Variants in WAPL observed in about 807,000 individuals in gnomAD.
WAPL encodes WAPL cohesin release factor.
Under a neutral mutation model 121.0 loss-of-function variants are expected in WAPL, and 5 were observed. The observed-to-expected ratio is 0.04, with a 90% CI of 0.02 to 0.09. WAPL has a LOEUF of 0.09. Among genes scored for constraint, WAPL ranks in the 10% least tolerant of loss-of-function variants. The probability of loss-of-function intolerance (pLI) is 1.00; values close to 1 mark genes in which losing one functional copy is unlikely to be tolerated. For synonymous variants in WAPL, 480 were observed against 481.5 expected (o/e 1.00, Z 0.04); for missense variants, 999 against 1,410.8 (o/e 0.71, Z 4.68).
Position 86,461,170 on chromosome 10 carries a change from T to C in WAPL, c.2482+6A>G, listed in dbSNP as rs752486594. On this transcript the variant is annotated splice_donor_region_variant and intron_variant, in intron 10 of 18. Coordinates refer to ENST00000298767, the MANE Select transcript of WAPL (RefSeq NM_015045.5). ...TATAAAAACATTCTAAATGTAAATA[T>C]CATACCTTTATCTACAATATGATCC... 1.0e-5 allele frequency: 16 copies of C among 1,586,470 alleles called. No homozygotes were observed. The Admixed American group carries it at 2.2e-4, about 22-fold the overall frequency.
chr10:86,470,575 C>G (rs1421784469), intron 8 of WAPL, among the ~76,000 whole-genome samples: 1 of 152,116 alleles, frequency 6.6e-6, no homozygotes, highest in Non-Finnish European at 1.5e-5. Flanking sequence ...AGGCCATGTT[C>G]CAGATTCAAC....
At chr10:86,486,995 A>C (rs930575905) in intron 4 of WAPL, among the ~76,000 whole-genome samples, 20 of 151,956 alleles carry the variant, frequency 1.3e-4, no homozygotes, top group African/African-American at 4.6e-4. Flanking sequence ...AATATTGGAG[A>C]ATTGAAACTG....
At chr10:86,503,963 A>C (rs1375309894) in intron 2 of WAPL, among the ~76,000 whole-genome samples, 1 of 151,858 alleles carries the variant, frequency 6.6e-6, no homozygotes, top group East Asian at 2.0e-4. Flanking sequence ...TGAGGCCAGA[A>C]GTTCGAGACC....
intron 9 of WAPL, among the ~76,000 whole-genome samples, chr10:86,463,087 TG>T (rs1841326176): frequency 6.6e-6 from 1 of 152,218 alleles, no homozygotes; most frequent in African/African-American, 2.4e-5. Context: ...ATTTGAAAAC[TG>T]GAATAGTACT....
intron 4 of WAPL, among the ~76,000 whole-genome samples, chr10:86,476,590 G>A (rs1841659867): frequency 6.6e-6 from 1 of 151,478 alleles, no homozygotes; most frequent in Non-Finnish European, 1.5e-5. Flanking sequence ...TCAGGAGGCT[G>A]AGGCGGGAGA....
At chr10:86,456,669 T>A (rs1056445606) in intron 12 of WAPL, among the ~76,000 whole-genome samples, 3 of 152,234 alleles carry the variant, frequency 2.0e-5, no homozygotes, top group Non-Finnish European at 4.4e-5. Context: ...CTTAATATTT[T>A]ACAACCCTTT....
chr10:86,448,135 TA>T (rs1167285827), intron 15 of WAPL, among the ~76,000 whole-genome samples: 1 of 152,012 alleles, frequency 6.6e-6, no homozygotes, highest in Admixed American at 6.6e-5. Flanking sequence ...AAATAAAACT[TA>T]AAAAAACAGA....
intron 4 of WAPL, among the ~76,000 whole-genome samples, chr10:86,486,570 G>A (rs1322417359): frequency 2.0e-5 from 3 of 152,164 alleles, no homozygotes; most frequent in African/African-American, 7.2e-5. Flanking sequence ...GGACAGATGG[G>A]AAGAAAAAAT....
chr10:86,458,962 T>C lies in WAPL; in HGVS notation c.2657+27A>G, dbSNP rs760445822. On this transcript the variant is annotated intron_variant, in intron 12 of 18. Transcript: ENST00000298767. ...TGTTTAAAATAAGTAACAATGTTAGTTGTTAACTAATAAACAAAAAACTTA... is the reference window on the plus strand; with the variant it reads ...TGTTTAAAATAAGTAACAATGTTAGCTGTTAACTAATAAACAAAAAACTTA... 2.6e-6 allele frequency: 4 copies of C among 1,547,442 alleles called. No homozygotes were observed. In the African/African-American group the frequency reaches 5.5e-5, roughly 21 times the overall value.
At chr10:86,520,766 TAAAAAAAAAAAAA>T (rs10574217) in intron 1 of WAPL, among the ~76,000 whole-genome samples, 16 of 98,112 alleles carry the variant, frequency 1.6e-4, no homozygotes, top group African/African-American at 5.2e-4. Context: ...CGCTGTGATT[TAAAAAAAAAAAAA>T]AAAAAAAAAA....
At chr10:86,520,445 C>A (rs1842653104) in intron 1 of WAPL, among the ~76,000 whole-genome samples, 1 of 152,098 alleles carries the variant, frequency 6.6e-6, no homozygotes, top group African/African-American at 2.4e-5. Context: ...GTTTAATAGT[C>A]ACTGCTAAAT....
intron 4 of WAPL, among the ~76,000 whole-genome samples, chr10:86,476,203 A>G (rs549764937): frequency 6.6e-6 from 1 of 151,300 alleles, no homozygotes; most frequent in African/African-American, 2.4e-5. Context: ...GTCTCTACTA[A>G]AAATACAAAA....
At chr10:86,442,610 T>G (rs757553781) in intron 17 of WAPL, among the ~76,000 whole-genome samples, 1 of 152,132 alleles carries the variant, frequency 6.6e-6, no homozygotes, top group Non-Finnish European at 1.5e-5. Context: ...ATCAATTTAA[T>G]TTACTCCACT....
chr10:86,455,474 T>C (rs1841119266), intron 12 of WAPL, among the ~76,000 whole-genome samples: 1 of 151,894 alleles, frequency 6.6e-6, no homozygotes. Flanking sequence ...AACAGATGCT[T>C]GAAGGCAGCA....
At chr10:86,499,671 T>A (rs1269312772) in intron 3 of WAPL, 47 bp downstream of exon 3, 1 of 1,515,402 alleles carries the variant, frequency 6.6e-7, no homozygotes, top group African/African-American at 1.4e-5. Context: ...AAACTGCAGG[T>A]AAGGGGGAAC....
chr10:86,457,826 G>A (rs1841185776), intron 12 of WAPL, among the ~76,000 whole-genome samples: 1 of 152,096 alleles, frequency 6.6e-6, no homozygotes, highest in Non-Finnish European at 1.5e-5. Flanking sequence ...AATAATGTGT[G>A]GCATGAAAAT....
chr10:86,516,034 T>G (rs979537141), intron 2 of WAPL, among the ~76,000 whole-genome samples: 25 of 151,784 alleles, frequency 1.6e-4, no homozygotes, highest in African/African-American at 5.8e-4. Context: ...GCCCAGCTAA[T>G]TTTTTGTATT....
intron 8 of WAPL, among the ~76,000 whole-genome samples, chr10:86,469,899 GTTTGTT>G (rs1841497546): frequency 6.6e-6 from 1 of 151,994 alleles, no homozygotes. Context: ...TCTCTTTTTT[GTTTGTT>G]TTTAAGAGAT....
At chr10:86,484,895 AATG>A (rs1841895358) in intron 4 of WAPL, among the ~76,000 whole-genome samples, 1 of 152,300 alleles carries the variant, frequency 6.6e-6, no homozygotes, top group African/African-American at 2.4e-5. Context: ...GAAATCGCCT[AATG>A]ATGCATTTCT....
Sources: gnomAD v4.1 joint callset for allele counts (sites outside exome capture counted in the v4.1 genomes callset) on GRCh38, gnomAD v4.1.1 for gene constraint, MANE v1.5 for transcripts, NCBI Gene and HGNC (gene_info 2026-07-23, HGNC 2026-07-21) for gene names.